Variants in WHRN observed in about 807,000 individuals in gnomAD.
The protein encoded by WHRN is whirlin.
In WHRN, 41 loss-of-function variants were observed where a neutral mutation model predicts 68.3. The ratio of observed to expected loss-of-function variants is 0.60; its 90% confidence interval spans 0.47 to 0.78. WHRN has a LOEUF of 0.78. WHRN is among the 30% of genes least tolerant of loss of function. The pLI is 0.00. For synonymous variants in WHRN, 560 were observed against 561.3 expected, an observed-to-expected ratio of 1.00 and a Z score of 0.03; for missense variants, 1,243 against 1,244.7, an observed-to-expected ratio of 1.00 and a Z score of 0.02.
chr9:114,407,659 G>A (rs78439564), intron 8 of WHRN, among the ~76,000 whole-genome samples: 32 of 151,374 alleles, frequency 2.1e-4, no homozygotes, highest in African/African-American at 4.6e-4. Context: ...CTTTACCGAC[G>A]GGGAAACTGA....
intron 3 of WHRN, among the ~76,000 whole-genome samples, chr9:114,429,389 G>A (rs900224951): frequency 2.0e-5 from 3 of 152,056 alleles, no homozygotes; most frequent in African/African-American, 4.8e-5. Context: ...TATCACTTCC[G>A]TGCCACATGG....
At chr9:114,427,668 C>T (rs1207896302) in intron 3 of WHRN, among the ~76,000 whole-genome samples, 1 of 152,168 alleles carries the variant, frequency 6.6e-6, no homozygotes, top group African/African-American at 2.4e-5. Context: ...GAACCAAAAC[C>T]CTGCTCCCCA....
chr9:114,424,976 A>G lies in WHRN; in HGVS notation c.1203+12T>C. ...TGAGGAAGCAGAGAATACCCCTTAG[A>G]GGATGTCCTACCTTGTTTATTCCTT... On this transcript the variant is annotated intron_variant, in intron 5 of 11. Transcript: ENST00000362057. 6.2e-7 allele frequency: 1 copy of G among 1,613,954 alleles called. No individual in the cohort carries two copies. Among genetic ancestry groups the G allele is most frequent in the Non-Finnish European group, 8.5e-7 (1 of 1,179,816 alleles).
At chr9:114,496,764 G>A (rs1843495906) in intron 1 of WHRN, among the ~76,000 whole-genome samples, 1 of 152,178 alleles carries the variant, frequency 6.6e-6, no homozygotes, top group Non-Finnish European at 1.5e-5. Flanking sequence ...CCTGCCCAAG[G>A]TCACAGCCAA....
chr9:114,470,629 G>A (rs918368842), intron 2 of WHRN, among the ~76,000 whole-genome samples: 10 of 152,176 alleles, frequency 6.6e-5, no homozygotes, highest in Non-Finnish European at 1.2e-4. Flanking sequence ...GTTCAGATCA[G>A]GGACAGAACA....
chr9:114,432,322 G>T (rs1837492839), intron 3 of WHRN, among the ~76,000 whole-genome samples: 1 of 152,230 alleles, frequency 6.6e-6, no homozygotes, highest in Non-Finnish European at 1.5e-5. Context: ...GGCAGGCGCA[G>T]GAGCCCCAGG....
chr9:114,484,586 G>A (rs955623090), intron 1 of WHRN, among the ~76,000 whole-genome samples: 3 of 152,202 alleles, frequency 2.0e-5, no homozygotes, highest in Non-Finnish European at 4.4e-5. Flanking sequence ...GGTCATTAGA[G>A]TGCTGTGTTC....
intron 3 of WHRN, among the ~76,000 whole-genome samples, chr9:114,447,119 A>C (rs187070898): frequency 6.6e-6 from 1 of 152,278 alleles, no homozygotes; most frequent in African/African-American, 2.4e-5. Context: ...GCTCATGTTT[A>C]CATGTCAGGC....
At position 114,481,691 on chromosome 9, in the gene WHRN, T is replaced by C. The variant is rs531586434; in HGVS notation, c.619-2920A>G. On this transcript the variant is annotated intron_variant, in intron 1 of 11. Coordinates refer to ENST00000362057, the MANE Select transcript of WHRN (RefSeq NM_015404.4). ...GCCTGCCTCCTTCTCTGCTCCTTCC[T>C]AGACAGACTGCAACACTACACCACA... Among the ~76,000 whole-genome samples the C allele has an allele frequency of 8.5e-5, 13 of 152,308 alleles. No homozygotes were observed. In the East Asian group the frequency reaches 2.5e-3, roughly 29 times the overall value.
intron 3 of WHRN, among the ~76,000 whole-genome samples, chr9:114,455,719 A>C (rs1459093173): frequency 6.6e-6 from 1 of 151,254 alleles, no homozygotes; most frequent in African/African-American, 2.4e-5. Flanking sequence ...GTCTCAAAAA[A>C]AAAAAAAAAA....
intron 7 of WHRN, among the ~76,000 whole-genome samples, chr9:114,420,085 G>A (rs1836147121): frequency 1.3e-5 from 2 of 152,236 alleles, no homozygotes. Flanking sequence ...GAGGAAGGAT[G>A]AGCAAAAGGC....
At chr9:114,449,094 G>A (rs2132681877) in intron 3 of WHRN, among the ~76,000 whole-genome samples, 1 of 152,318 alleles carries the variant, frequency 6.6e-6, no homozygotes, top group South Asian at 2.1e-4. Flanking sequence ...AGAGGCTGAA[G>A]AAATGCTCAC....
intron 2 of WHRN, among the ~76,000 whole-genome samples, chr9:114,473,151 C>T (rs549617716): frequency 1.2e-4 from 19 of 152,324 alleles, no homozygotes; most frequent in African/African-American, 4.3e-4. Flanking sequence ...AGTAAGGGGC[C>T]GTGGGACAGG....
At chr9:114,477,789 C>A (rs1841771718) in intron 2 of WHRN, among the ~76,000 whole-genome samples, 2 of 152,222 alleles carry the variant, frequency 1.3e-5, no homozygotes, top group African/African-American at 4.8e-5. Context: ...GGGCTGGTTT[C>A]TGTTACTTAT....
At chr9:114,431,383 G>C (rs1043148475) in intron 3 of WHRN, among the ~76,000 whole-genome samples, 1 of 152,218 alleles carries the variant, frequency 6.6e-6, no homozygotes, top group Non-Finnish European at 1.5e-5. Flanking sequence ...GACAGGTTCA[G>C]AGATGTTGAG....
chr9:114,489,284 G>C (rs1038007040), intron 1 of WHRN, among the ~76,000 whole-genome samples: 3 of 152,184 alleles, frequency 2.0e-5, no homozygotes, highest in South Asian at 2.1e-4. Context: ...AGAAATGAAA[G>C]GATGCTTTCT....
intron 2 of WHRN, among the ~76,000 whole-genome samples, chr9:114,475,911 G>A (rs1841611664): frequency 1.3e-5 from 2 of 152,162 alleles, no homozygotes; most frequent in Admixed American, 1.3e-4. Flanking sequence ...GGTGTCTCCT[G>A]CCTCCTTCGG....
At chr9:114,409,877 C>T (rs1835306025) in intron 7 of WHRN, among the ~76,000 whole-genome samples, 1 of 151,996 alleles carries the variant, frequency 6.6e-6, no homozygotes, top group Non-Finnish European at 1.5e-5. Context: ...CCATCTCCAC[C>T]CAGCAGCTAG....
chr9:114,503,076 T>C (rs1427372960), intron 1 of WHRN: 24 of 960,796 alleles, frequency 2.5e-5, no homozygotes, highest in Non-Finnish European at 2.8e-5. Context: ...CAACATCAGG[T>C]GCACAGCCAG....
Sources: gnomAD v4.1 joint callset for allele counts (sites outside exome capture counted in the v4.1 genomes callset) on GRCh38, gnomAD v4.1.1 for gene constraint, MANE v1.5 for transcripts, NCBI Gene and HGNC (gene_info 2026-07-23, HGNC 2026-07-21) for gene names.